Variants in ARFGEF3 observed in about 807,000 individuals in gnomAD.
The protein encoded by ARFGEF3 is ARFGEF family member 3.
Under a neutral mutation model 221.7 loss-of-function variants are expected in ARFGEF3, and 96 were observed. That is an observed-to-expected ratio of 0.43 (90% CI 0.37 to 0.51). ARFGEF3 has a LOEUF of 0.51. Among genes scored for constraint, ARFGEF3 ranks in the 20% least tolerant of loss-of-function variants. ARFGEF3 has a pLI of 0.00. For missense variants in ARFGEF3, 2,410 were observed against 2,789.9 expected, an observed-to-expected ratio of 0.86 and a Z score of 3.07; for synonymous variants, 1,145 against 1,126.8, an observed-to-expected ratio of 1.02 and a Z score of -0.32.
intron 10 of ARFGEF3, among the ~76,000 whole-genome samples, chr6:138,259,506 C>G (rs1440392338): frequency 6.6e-6 from 1 of 152,238 alleles, no homozygotes; most frequent in Admixed American, 6.5e-5. Context: ...ACTGATCCCA[C>G]AACTCTCATT....
At chr6:138,288,315 G>A (rs188384423) in intron 17 of ARFGEF3, among the ~76,000 whole-genome samples, 1 of 152,186 alleles carries the variant, frequency 6.6e-6, no homozygotes, top group African/African-American at 2.4e-5. Context: ...GCCTGGGGAG[G>A]TTCAGGCTGC....
At chr6:138,248,649 A>T (rs2114565909) in intron 8 of ARFGEF3, among the ~76,000 whole-genome samples, 1 of 152,046 alleles carries the variant, frequency 6.6e-6, no homozygotes, top group Admixed American at 6.6e-5. Context: ...ACATGGTGAA[A>T]CCCCATCTCT....
At chr6:138,238,690 C>G (rs1454798003) in intron 6 of ARFGEF3, 59 bp downstream of exon 6, 2 of 1,567,424 alleles carry the variant, frequency 1.3e-6, no homozygotes, top group African/African-American at 1.4e-5. Context: ...GTATCCCATG[C>G]CCCGGGGCCC....
At chr6:138,255,795 C>T in intron 10 of ARFGEF3, 26 bp downstream of exon 10, 1 of 1,484,182 alleles carries the variant, frequency 6.7e-7, no homozygotes, top group East Asian at 2.4e-5. Flanking sequence ...AGATCGCCAC[C>T]AGGTTTACAA....
Position 138,291,938 on chromosome 6 carries a change from C to A in ARFGEF3, c.3253C>A (p.Gln1085Lys). Residue 1085 changes from glutamine (Q) to lysine (K), a missense_variant, in exon 19 of 34, where the codon CAG becomes AAG. Physicochemically the swap from Gln to Lys is moderately conservative, Grantham distance 53. Around this residue, in one of 5 missense-constraint regions of ARFGEF3, gnomAD observed 184 missense variants for 141.8 expected, o/e 1.30. Transcript: ENST00000251691. The surrounding 1 kb of genome is among the most constrained non-coding windows in gnomAD (Gnocchi z 4.5). ...TAPVVQPLSI[Q>K]DLVREGSRGR... Reference sequence around the variant, plus strand: ...CCCTGTCGTCCAGCCCCTGTCCATCCAGGACCTCGTCCGGGAAGGCAGCCG... The same window carrying A: ...CCCTGTCGTCCAGCCCCTGTCCATCAAGGACCTCGTCCGGGAAGGCAGCCG... 1 of 1,521,618 alleles carries A rather than the reference C, an allele frequency of 6.6e-7. No homozygotes were observed. The highest frequency in any genetic ancestry group is 1.2e-5 in the South Asian group (1 of 80,132). 94.3% of individuals were successfully genotyped at this position (1,521,618 alleles called of 1,614,324 possible).
intron 2 of ARFGEF3, among the ~76,000 whole-genome samples, chr6:138,183,494 G>A (rs72986841): frequency 0.036 from 5,458 of 152,190 alleles, 131 homozygotes; most frequent in Non-Finnish European, 0.057. Flanking sequence ...CGTCTGTATC[G>A]GAGGGGTCTG....
intron 2 of ARFGEF3, among the ~76,000 whole-genome samples, chr6:138,191,673 AG>A (rs778170576): frequency 6.6e-6 from 1 of 152,210 alleles, no homozygotes; most frequent in Non-Finnish European, 1.5e-5. Context: ...GTTATGTATT[AG>A]CACTTAGATG....
At chr6:138,218,292 A>C (rs1251480426) in intron 4 of ARFGEF3, 2 of 1,589,570 alleles carry the variant, frequency 1.3e-6, no homozygotes, top group Non-Finnish European at 1.7e-6. Flanking sequence ...AATGCCTGGT[A>C]GCCTTGGGAA....
intron 12 of ARFGEF3, among the ~76,000 whole-genome samples, chr6:138,273,115 A>T (rs1779033621): frequency 6.6e-6 from 1 of 152,216 alleles, no homozygotes; most frequent in Non-Finnish European, 1.5e-5. Flanking sequence ...TTACAGTTTG[A>T]CATATGTAGT....
intron 12 of ARFGEF3, among the ~76,000 whole-genome samples, chr6:138,267,587 C>A (rs1188050936): frequency 6.6e-6 from 1 of 152,166 alleles, no homozygotes; most frequent in East Asian, 1.9e-4. Context: ...AAGGGACCAC[C>A]CTCATTTCTT....
At chr6:138,247,943 A>G (rs916851584) in intron 8 of ARFGEF3, among the ~76,000 whole-genome samples, 13 of 152,198 alleles carry the variant, frequency 8.5e-5, no homozygotes, top group African/African-American at 3.1e-4. Flanking sequence ...AAACCACAGG[A>G]CAGTAAAAGG....
chr6:138,218,402 T>G, intron 4 of ARFGEF3: 1 of 1,524,494 alleles, frequency 6.6e-7, no homozygotes, highest in Non-Finnish European at 8.8e-7. Context: ...TCATATTTAC[T>G]ACTGTAAATT....
In ARFGEF3 at chr6:138,331,795, C is replaced by T. The variant is rs540486085; in HGVS notation, c.5124-2175C>T. 5.2e-4 allele frequency among the ~76,000 whole-genome samples: 79 copies of T among 152,032 alleles called. 1 individual carries two copies. Among genetic ancestry groups the T allele is most frequent in the African/African-American group, 1.9e-3 (77 of 41,306 alleles). Reference sequence around the variant, plus strand: ...GTTATTTGTTGATTTTGTTTGAGATCTGTGTCTCCTGTCAGCGTAGATGAT... The same window carrying T: ...GTTATTTGTTGATTTTGTTTGAGATTTGTGTCTCCTGTCAGCGTAGATGAT... On this transcript the variant is annotated intron_variant, in intron 32 of 33. Transcript: ENST00000251691.
chr6:138,319,499 T>C (rs1285247765), intron 27 of ARFGEF3, among the ~76,000 whole-genome samples: 1 of 152,104 alleles, frequency 6.6e-6, no homozygotes, highest in Non-Finnish European at 1.5e-5. Context: ...TATTCACATA[T>C]TGCTCACATA....
intron 10 of ARFGEF3, among the ~76,000 whole-genome samples, chr6:138,256,136 T>C (rs899143923): frequency 6.6e-6 from 1 of 152,154 alleles, no homozygotes; most frequent in Admixed American, 6.5e-5. Context: ...CAAAATGATT[T>C]TATACTCAGG....
intron 2 of ARFGEF3, among the ~76,000 whole-genome samples, chr6:138,190,135 C>T (rs766741571): frequency 7.2e-6 from 1 of 139,196 alleles, no homozygotes; most frequent in Non-Finnish European, 1.6e-5. Context: ...CATCATGATA[C>T]TAGAAAGGCA....
chr6:138,228,010 G>C (rs1366411620), intron 4 of ARFGEF3, among the ~76,000 whole-genome samples: 1 of 152,048 alleles, frequency 6.6e-6, no homozygotes, highest in Non-Finnish European at 1.5e-5. Flanking sequence ...CCAAGCCCAG[G>C]GTAGGTCCTG....
intron 14 of ARFGEF3, among the ~76,000 whole-genome samples, chr6:138,280,611 G>A (rs1562377964): frequency 6.6e-6 from 1 of 152,218 alleles, no homozygotes; most frequent in Non-Finnish European, 1.5e-5. Context: ...AGCACTTTGG[G>A]AGGCTGAGGT....
chr6:138,219,769 T>C (rs759635428), intron 4 of ARFGEF3, among the ~76,000 whole-genome samples: 5 of 152,048 alleles, frequency 3.3e-5, no homozygotes, highest in Non-Finnish European at 5.9e-5. Flanking sequence ...TCAATATTTA[T>C]ATTTAAATTT....
Sources: allele counts gnomAD v4.1 joint callset (sites outside exome capture counted in the v4.1 genomes callset), GRCh38; gene constraint gnomAD v4.1.1; regional missense constraint gnomAD v4.1.1; non-coding constraint Gnocchi (gnomAD v3.1); transcripts MANE v1.5; gene names NCBI Gene and HGNC (gene_info 2026-07-23, HGNC 2026-07-21).